Variants in FHIT observed in about 807,000 individuals in gnomAD.
FHIT encodes bis(5'-adenosyl)-triphosphatase.
In FHIT, 19 loss-of-function variants were observed where a neutral mutation model predicts 17.9. That is an observed-to-expected ratio of 1.06 (90% confidence interval 0.74 to 1.56). FHIT has a LOEUF of 1.56. Among genes scored for constraint, FHIT ranks in the 40% most tolerant of loss-of-function variants. FHIT has a pLI of 0.00. For synonymous variants in FHIT, 81 were observed against 69.7 expected (o/e 1.16, Z -0.81); for missense variants, 248 against 189.2 (o/e 1.31, Z -1.82).
rs73836064 is a variant in FHIT at position 60,948,912 on chromosome 3, A to G, written c.-111+93135T>C. Among the ~76,000 whole-genome samples, 1,248 of 152,242 alleles carry G rather than the reference A, an allele frequency of 8.2e-3. 15 individuals carry two copies. The highest frequency in any genetic ancestry group is 0.028 in the African/African-American group (1,147 of 41,550). On this transcript the variant is annotated intron_variant, in intron 3 of 9. Coordinates refer to ENST00000492590, the MANE Select transcript of FHIT (RefSeq NM_002012.4). The stretch of plus-strand genomic sequence containing the variant: ...CACCGCTCTTTTGTCTTCATCACCC[A>G]TCAGTTTTCCATCGCCCTCAATTTG...
At chr3:59,818,903 A>G (rs566581056) in intron 8 of FHIT, among the ~76,000 whole-genome samples, 34 of 152,242 alleles carry the variant, frequency 2.2e-4, no homozygotes, top group Non-Finnish European at 2.5e-4. Context: ...CCTCTTCAGC[A>G]TGGATATGAC....
At chr3:60,462,661 T>A (rs945661727) in intron 5 of FHIT, among the ~76,000 whole-genome samples, 2 of 152,024 alleles carry the variant, frequency 1.3e-5, no homozygotes, top group Admixed American at 6.6e-5. Flanking sequence ...AGGACTAGAA[T>A]TCAGCCCATC....
At chr3:59,987,047 AAAAATAT>A (rs1709008927) in intron 7 of FHIT, among the ~76,000 whole-genome samples, 1 of 56,882 alleles carries the variant, frequency 1.8e-5, no homozygotes, top group Non-Finnish European at 4.8e-5. Context: ...TAAAATATAT[AAAAATAT>A]AAAATATATC....
chr3:60,939,620 A>C (rs1553773996), intron 3 of FHIT, among the ~76,000 whole-genome samples: 1 of 152,198 alleles, frequency 6.6e-6, no homozygotes, highest in African/African-American at 2.4e-5. Flanking sequence ...TAACTTCACT[A>C]TCATTAGAAT....
chr3:60,490,902 C>G (rs1158339189), intron 5 of FHIT, among the ~76,000 whole-genome samples: 1 of 152,104 alleles, frequency 6.6e-6, no homozygotes, highest in African/African-American at 2.4e-5. Flanking sequence ...CCAATTTGGG[C>G]CCCTAACTAA....
At chr3:60,565,107 T>C (rs2037085736) in intron 4 of FHIT, among the ~76,000 whole-genome samples, 1 of 152,186 alleles carries the variant, frequency 6.6e-6, no homozygotes, top group South Asian at 2.1e-4. Flanking sequence ...GTTCACATTT[T>C]TTAGCAATAA....
intron 4 of FHIT, among the ~76,000 whole-genome samples, chr3:60,644,583 A>T (rs2039809366): frequency 6.6e-6 from 1 of 152,228 alleles, no homozygotes; most frequent in African/African-American, 2.4e-5. Flanking sequence ...ATTGCATAAA[A>T]CACAACATTT....
At chr3:60,174,448 T>C (rs1322611898) in intron 5 of FHIT, among the ~76,000 whole-genome samples, 2 of 152,172 alleles carry the variant, frequency 1.3e-5, no homozygotes, top group Admixed American at 6.5e-5. Flanking sequence ...TTTATGTTTA[T>C]ATGCATCTTA....
intron 7 of FHIT, among the ~76,000 whole-genome samples, chr3:59,936,921 C>T (rs1390960765): frequency 1.3e-5 from 2 of 152,108 alleles, no homozygotes; most frequent in Non-Finnish European, 2.9e-5. Context: ...ATTCTCTTTC[C>T]AGTGCTAACA....
intron 5 of FHIT, among the ~76,000 whole-genome samples, chr3:60,452,293 A>C (rs410351): frequency 1.3e-5 from 2 of 151,986 alleles, no homozygotes; most frequent in Admixed American, 1.3e-4. Flanking sequence ...AGCGATTCAT[A>C]TGCTTTATCT....
chr3:60,891,139 G>A (rs1385325065), intron 3 of FHIT, among the ~76,000 whole-genome samples: 1 of 152,174 alleles, frequency 6.6e-6, no homozygotes, highest in Non-Finnish European at 1.5e-5. Context: ...AAAGGCCAGG[G>A]CAGTTCTACT....
intron 3 of FHIT, among the ~76,000 whole-genome samples, chr3:61,026,926 G>T (rs2032763927): frequency 6.6e-6 from 1 of 152,014 alleles, no homozygotes; most frequent in African/African-American, 2.4e-5. Context: ...GCCTCCCTGA[G>T]GCTTACCTGC....
At chr3:60,441,121 T>C (rs414751) in intron 5 of FHIT, among the ~76,000 whole-genome samples, 1 of 152,050 alleles carries the variant, frequency 6.6e-6, no homozygotes, top group Admixed American at 6.6e-5. Flanking sequence ...GATATCACTA[T>C]CTTTACCTGA....
chr3:61,051,729 G>C (rs891462225), intron 2 of FHIT, among the ~76,000 whole-genome samples: 3 of 152,194 alleles, frequency 2.0e-5, no homozygotes, highest in Admixed American at 2.0e-4. Flanking sequence ...CACATGCAAA[G>C]AGATGTGGGG....
At chr3:59,753,810 A>G (rs1701051836) in intron 8 of FHIT, among the ~76,000 whole-genome samples, 1 of 152,146 alleles carries the variant, frequency 6.6e-6, no homozygotes. Context: ...CGGTCCAAAG[A>G]TCACCCAGCT....
At chr3:60,869,161 A>C in intron 3 of FHIT, among the ~76,000 whole-genome samples, 1 of 152,178 alleles carries the variant, frequency 6.6e-6, no homozygotes, top group East Asian at 1.9e-4. Context: ...TAAAGATAAT[A>C]CCTATTTCAC....
intron 7 of FHIT, among the ~76,000 whole-genome samples, chr3:59,958,088 G>T (rs1297668441): frequency 6.6e-6 from 1 of 152,148 alleles, no homozygotes. Flanking sequence ...TTCAGCATAG[G>T]TAGCCATATT....
intron 8 of FHIT, among the ~76,000 whole-genome samples, chr3:59,785,176 T>C (rs1702782908): frequency 1.3e-5 from 2 of 152,176 alleles, no homozygotes; most frequent in Non-Finnish European, 1.5e-5. Context: ...CACCAGGCCC[T>C]ACCCTTCAAC....
At chr3:60,462,383 C>T (rs1474307874) in intron 5 of FHIT, among the ~76,000 whole-genome samples, 1 of 152,076 alleles carries the variant, frequency 6.6e-6, no homozygotes, top group African/African-American at 2.4e-5. Flanking sequence ...GCTTGAGTGC[C>T]CATGGCTCAA....
Sources: allele counts gnomAD v4.1 joint callset (sites outside exome capture counted in the v4.1 genomes callset), GRCh38; gene constraint gnomAD v4.1.1; transcripts MANE v1.5; gene names NCBI Gene and HGNC (gene_info 2026-07-23, HGNC 2026-07-21).